ACACB: variants seen among roughly 807,000 people sequenced by gnomAD.
The protein encoded by ACACB is acetyl-CoA carboxylase 2.
A neutral mutation model predicts 278.8 loss-of-function variants in ACACB; 209 were observed. The ratio of observed to expected loss-of-function variants is 0.75; its 90% CI spans 0.67 to 0.84. ACACB has a LOEUF of 0.84. Among genes scored for constraint, ACACB ranks in the 40% least tolerant of loss-of-function variants. The pLI is 0.00. For missense variants in ACACB, 2,850 were observed against 3,269.0 expected, an observed-to-expected ratio of 0.87 and a Z score of 3.13; for synonymous variants, 1,174 against 1,285.6, an observed-to-expected ratio of 0.91 and a Z score of 1.86.
intron 47 of ACACB, 59 bp downstream of exon 47, chr12:109,259,167 C>T (rs2047312950): frequency 4.4e-6 from 7 of 1,580,178 alleles, no homozygotes; most frequent in Non-Finnish European, 6.0e-6. Context: ...CAGGACAGCA[C>T]CCTCTGGGTG....
rs1326670367 is a variant in ACACB, at chr12:109,238,396, ATATATATAAT to A, written c.4662+1027_4662+1036del. Among the ~76,000 whole-genome samples, 292 of 137,022 alleles carry A rather than the reference ATATATATAAT, an allele frequency of 2.1e-3. 3 individuals carry two copies. The highest frequency in any genetic ancestry group is 7.2e-3 in the African/African-American group (267 of 36,984). 89.9% of individuals were successfully genotyped at this position (137,022 alleles called of 152,430 possible). Reference sequence around the variant, plus strand: ...TTGATGGAAACATATATATATTATTATATATATAATTATATATAATAATATATATAATATA... The same window carrying A: ...TTGATGGAAACATATATATATTATTATATATATAATAATATATATAATATA... On this transcript the variant is annotated intron_variant, in intron 34 of 52. Transcript: ENST00000338432.
chr12:109,117,047 CTTTTTTTTTTT>C (rs71747045), intron 1 of ACACB, among the ~76,000 whole-genome samples: 2 of 109,074 alleles, frequency 1.8e-5, no homozygotes, highest in African/African-American at 7.1e-5. Flanking sequence ...AATGGTTGTT[CTTTTTTTTTTT>C]TTTTTTTTTT....
At chr12:109,225,360 G>T (rs2046285354) in intron 27 of ACACB, among the ~76,000 whole-genome samples, 1 of 152,128 alleles carries the variant, frequency 6.6e-6, no homozygotes, top group African/African-American at 2.4e-5. Context: ...ATGCTTTTGG[G>T]TTTTTTTATT....
intron 11 of ACACB, 78 bp from the exon 12 acceptor site, chr12:109,185,501 A>G: frequency 6.6e-7 from 1 of 1,510,612 alleles, no homozygotes; most frequent in Non-Finnish European, 9.1e-7. Flanking sequence ...CCTCCGTTGC[A>G]TCTACCACTG....
intron 13 of ACACB, among the ~76,000 whole-genome samples, chr12:109,190,366 G>A (rs1313597033): frequency 6.6e-6 from 1 of 152,194 alleles, no homozygotes; most frequent in East Asian, 1.9e-4. Flanking sequence ...GGGATTACAG[G>A]CGTGAGCCAC....
At chr12:109,252,979 G>C in intron 42 of ACACB, 36 bp from the exon 43 acceptor site, 3 of 1,569,972 alleles carry the variant, frequency 1.9e-6, no homozygotes, top group Non-Finnish European at 2.6e-6. Flanking sequence ...GCCCTGCACC[G>C]TGCAGGACAT....
intron 40 of ACACB, among the ~76,000 whole-genome samples, chr12:109,248,420 T>C (rs1353194902): frequency 6.6e-6 from 1 of 152,200 alleles, no homozygotes; most frequent in Admixed American, 6.5e-5. Flanking sequence ...AGGAAGCCAG[T>C]AGTGGCTCGG....
At position 109,250,000 on chromosome 12, in the gene ACACB, A is replaced by G. The variant is rs1204450065; in HGVS notation, c.5686A>G (p.Ile1896Val). ...GGESRYMITD[I>V]IGKDDGLGVE... Reference sequence around the variant, plus strand: ...CTTTTGAAGATACATGATCACGGATATCATCGGGAAGGATGATGGCTTGGG... The same window carrying G: ...CTTTTGAAGATACATGATCACGGATGTCATCGGGAAGGATGATGGCTTGGG... Residue 1896 changes from isoleucine to valine, a missense_variant, in exon 41 of 53, where the codon ATC (isoleucine) becomes GTC (valine). Ile to Val is a conservative substitution (Grantham distance 29, BLOSUM62 3). Around this residue, in one of 3 missense-constraint regions of ACACB, gnomAD observed 2,265 missense variants for 2,561.3 expected, o/e 0.88. Coordinates refer to ENST00000338432, the MANE Select transcript of ACACB (RefSeq NM_001093.4). 1 of 1,613,028 alleles carries G rather than the reference A, an allele frequency of 6.2e-7. No homozygotes were observed.
chr12:109,194,618 GTGTGT>G (rs2045046931), intron 16 of ACACB, among the ~76,000 whole-genome samples: 1 of 108,778 alleles, frequency 9.2e-6, no homozygotes, highest in African/African-American at 2.7e-5. Flanking sequence ...CTCTGTGTGT[GTGTGT>G]GTGTGTGTGT....
In ACACB at chr12:109,210,539, A is replaced by G. The variant is rs150270510; in HGVS notation, c.3249+1186A>G. 1.4e-3 allele frequency among the ~76,000 whole-genome samples: 215 copies of G among 148,750 alleles called. 6 individuals carry two copies. Among genetic ancestry groups the G allele is most frequent in the East Asian group, 0.013 (68 of 5,060 alleles). On this transcript the variant is annotated intron_variant, in intron 21 of 52. Coordinates refer to ENST00000338432, the MANE Select transcript of ACACB (RefSeq NM_001093.4). ...CATACATGTGTATATGTGTATATAT[A>G]CGTGCATGTATATATACATATATAC...
chr12:109,170,249 G>A (rs2044066723), intron 4 of ACACB, among the ~76,000 whole-genome samples: 1 of 151,958 alleles, frequency 6.6e-6, no homozygotes, highest in Non-Finnish European at 1.5e-5. Flanking sequence ...ATTTTTAGTG[G>A]AGATGGAGTT....
intron 52 of ACACB, 97 bp downstream of exon 52, chr12:109,265,622 G>C (rs56223980): frequency 6.9e-7 from 1 of 1,443,532 alleles, no homozygotes; most frequent in African/African-American, 1.4e-5. Flanking sequence ...ACTTGAACCC[G>C]CCACCCTGTG....
intron 6 of ACACB, among the ~76,000 whole-genome samples, chr12:109,173,094 A>G (rs902162196): frequency 3.9e-5 from 6 of 152,190 alleles, no homozygotes; most frequent in East Asian, 1.9e-4. Context: ...AAATGTTCTC[A>G]CTTATAAGTG....
chr12:109,127,343 T>C (rs2042704926), intron 1 of ACACB, among the ~76,000 whole-genome samples: 2 of 152,016 alleles, frequency 1.3e-5, no homozygotes, highest in African/African-American at 4.8e-5. Flanking sequence ...ATTATTGGTA[T>C]TATTAATTAT....
intron 34 of ACACB, among the ~76,000 whole-genome samples, chr12:109,237,733 C>T (rs902356038): frequency 1.3e-5 from 2 of 152,078 alleles, no homozygotes; most frequent in African/African-American, 4.8e-5. Context: ...AATCCATGGC[C>T]GGGTGCAGTG....
At chr12:109,257,671 A>G (rs1422847761) in intron 45 of ACACB, among the ~76,000 whole-genome samples, 1 of 152,174 alleles carries the variant, frequency 6.6e-6, no homozygotes, top group Non-Finnish European at 1.5e-5. Flanking sequence ...CCTGGGCTCA[A>G]GCAATCCTCC....
rs544497672 is a variant in ACACB, at chr12:109,250,144, A to G, written c.5790+40A>G. 5.9e-6 allele frequency: 9 copies of G among 1,538,228 alleles called. No individual in the cohort carries two copies. The East Asian group carries it at 1.6e-4, about 28-fold the overall frequency. The stretch of plus-strand genomic sequence containing the variant: ...ATTTTCTCTTACTTTTCAACTTTCC[A>G]TTATAGAAACTTTAAAATTGTCACA... On this transcript the variant is annotated intron_variant, in intron 41 of 52. Transcript: ENST00000338432.
intron 4 of ACACB, among the ~76,000 whole-genome samples, chr12:109,170,281 T>C (rs1454677248): frequency 6.6e-6 from 1 of 152,086 alleles, no homozygotes; most frequent in Non-Finnish European, 1.5e-5. Flanking sequence ...GCCAGGCTAG[T>C]CTTGAACTCC....
chr12:109,121,472 A>T (rs760171360), intron 1 of ACACB, among the ~76,000 whole-genome samples: 7 of 152,192 alleles, frequency 4.6e-5, no homozygotes, highest in Non-Finnish European at 8.8e-5. Flanking sequence ...GTAGATGTGT[A>T]ATAATGACCC....
Sources: allele counts gnomAD v4.1 joint callset (sites outside exome capture counted in the v4.1 genomes callset), GRCh38; gene constraint gnomAD v4.1.1; regional missense constraint gnomAD v4.1.1; transcripts MANE v1.5; gene names NCBI Gene and HGNC (gene_info 2026-07-23, HGNC 2026-07-21).